SYT7: variants seen among roughly 807,000 people sequenced by gnomAD.
SYT7 encodes synaptotagmin-7.
In SYT7, 29 loss-of-function variants were observed where a neutral mutation model predicts 75.1. The observed-to-expected ratio is 0.39, with a 90% CI of 0.29 to 0.53. The LOEUF (loss-of-function observed/expected upper bound fraction) is 0.53. SYT7 is among the 20% of genes least tolerant of loss of function. The probability of loss-of-function intolerance (pLI) is 0.77; values close to 1 mark genes in which losing one functional copy is unlikely to be tolerated. For synonymous variants in SYT7, 376 were observed against 401.7 expected, an observed-to-expected ratio of 0.94 and a Z score of 0.76; for missense variants, 693 against 953.2, an observed-to-expected ratio of 0.73 and a Z score of 3.59.
chr11:61,526,541 C>G (rs904843930), intron 9 of SYT7: 2 of 152,270 alleles, frequency 1.3e-5, no homozygotes, highest in Admixed American at 6.5e-5. Flanking sequence ...ACATCTGGGT[C>G]TCCATTAGGC....
chr11:61,533,376 G>A (rs1309387138), intron 7 of SYT7: 2 of 985,384 alleles, frequency 2.0e-6, no homozygotes, highest in Non-Finnish European at 2.4e-6. Flanking sequence ...ATTTTGGGGG[G>A]TGTCCCCATT....
chr11:61,545,799 G>A lies in SYT7; in HGVS notation c.572+232C>T, dbSNP rs1351743578. 2.0e-5 allele frequency among the ~76,000 whole-genome samples: 3 copies of A among 152,240 alleles called. No homozygotes were observed. The East Asian group carries it at 5.8e-4, about 29-fold the overall frequency. On this transcript the variant is annotated intron_variant, in intron 5 of 12. Coordinates refer to ENST00000539008, the MANE Select transcript of SYT7 (RefSeq NM_001365809.2). The stretch of plus-strand genomic sequence containing the variant: ...ATGGAATGACCTGGTCACTGGCAAA[G>A]GAAGGGACTGATGGGGCATCAGCCA...
chr11:61,583,833 T>C (rs763247619), upstream of SYT7, among the ~76,000 whole-genome samples: 1 of 152,220 alleles, frequency 6.6e-6, no homozygotes, highest in African/African-American at 2.4e-5. Context: ...GGGTAGTTTT[T>C]AAATTCCTGC....
intron 1 of SYT7, among the ~76,000 whole-genome samples, chr11:61,572,380 G>C (rs765957856): frequency 4.6e-5 from 7 of 152,214 alleles, no homozygotes; most frequent in African/African-American, 1.7e-4. Context: ...GTACCAACTC[G>C]TAGTGCTCCC....
chr11:61,554,356 G>C (rs2063433347), intron 2 of SYT7, among the ~76,000 whole-genome samples: 1 of 151,952 alleles, frequency 6.6e-6, no homozygotes, highest in Non-Finnish European at 1.5e-5. Context: ...AGGAGGGTGG[G>C]GCAGACCCCA....
At position 61,580,082 on chromosome 11, in the gene SYT7, G is replaced by A. The variant is rs529977044; in HGVS notation, c.31+708C>T. 4.6e-5 allele frequency among the ~76,000 whole-genome samples: 7 copies of A among 152,266 alleles called. No individual in the cohort carries two copies. The highest frequency in any genetic ancestry group is 7.4e-5 in the Non-Finnish European group (5 of 67,998). On this transcript the variant is annotated intron_variant, in intron 1 of 12. Coordinates refer to ENST00000539008, the MANE Select transcript of SYT7 (RefSeq NM_001365809.2). This position sits in a 1 kb window ranked among gnomAD's most constrained non-coding sequence, Gnocchi z 6.1. ...CACTCCCCTGGCGGGCGAAGCAGAA[G>A]GCAAAGGAGTTCGGCCCTCCCCCAC...
At chr11:61,559,687 T>C (rs1366792318) in intron 1 of SYT7, among the ~76,000 whole-genome samples, 3 of 152,086 alleles carry the variant, frequency 2.0e-5, no homozygotes. Context: ...AAAGGTCACC[T>C]TCCTGGAGCT....
At chr11:61,534,956 C>A (rs1380663278) in intron 7 of SYT7, among the ~76,000 whole-genome samples, 2 of 152,198 alleles carry the variant, frequency 1.3e-5, no homozygotes, top group Admixed American at 1.3e-4. Flanking sequence ...AGTGGAAGAG[C>A]AGGGAGAGTG....
intron 7 of SYT7, among the ~76,000 whole-genome samples, chr11:61,537,100 G>T (rs1001652214): frequency 6.6e-6 from 1 of 152,214 alleles, no homozygotes; most frequent in Non-Finnish European, 1.5e-5. Context: ...AACCAGAGCT[G>T]GAAGGCAGAT....
intron 1 of SYT7, among the ~76,000 whole-genome samples, chr11:61,557,298 G>A (rs1356979215): frequency 6.6e-6 from 1 of 152,240 alleles, no homozygotes; most frequent in Non-Finnish European, 1.5e-5. Flanking sequence ...TTTATTTACA[G>A]AGGAGCCTGC....
intron 1 of SYT7, among the ~76,000 whole-genome samples, chr11:61,570,394 G>A (rs1482611161): frequency 2.6e-5 from 4 of 152,136 alleles, no homozygotes; most frequent in Non-Finnish European, 5.9e-5. Flanking sequence ...TTCTGCAAGG[G>A]TTATAATTGT....
intron 7 of SYT7, 161 bp from the exon 8 acceptor site, chr11:61,533,285 C>T (rs1374325252): frequency 1.0e-6 from 1 of 985,326 alleles, no homozygotes; most frequent in Admixed American, 6.1e-5. Flanking sequence ...CCTGGTTTTC[C>T]CTGGAGACCC....
At position 61,523,974 on chromosome 11, in the gene SYT7, T is replaced by G. The variant is rs1371573270; in HGVS notation, c.1642-33A>C. 2 of 1,599,570 alleles carry G rather than the reference T, an allele frequency of 1.3e-6. No individual in the cohort carries two copies. The highest frequency in any genetic ancestry group is 2.7e-5 in the African/African-American group (2 of 74,710). ...GCACGACAGGAGGGGTGTGGGGAAC[T>G]AGGCTAGCAGAGCTCTCTGATTGGC... On this transcript the variant is annotated intron_variant, in intron 10 of 12. Coordinates refer to ENST00000539008, the MANE Select transcript of SYT7 (RefSeq NM_001365809.2). The surrounding 1 kb of genome is among the most constrained non-coding windows in gnomAD (Gnocchi z 5.0).
chr11:61,523,165 G>C lies in SYT7; in HGVS notation c.1866C>G (p.Phe622Leu). 2 of 1,614,166 alleles carry C rather than the reference G, an allele frequency of 1.2e-6. No individual in the cohort carries two copies. The highest frequency in any genetic ancestry group is 1.7e-6 in the Non-Finnish European group (2 of 1,180,034). ...CCCTCAGCTTCTCCGTGGGGATATC[G>C]AAGGCGAAGGACTCATTGAAGATGG... is the stretch of plus-strand genomic sequence containing the variant. The part of the protein sequence containing the change: ...LNPIFNESFA[F>L]DIPTEKLRET... Residue 622 changes from phenylalanine to leucine, a missense_variant, in exon 12 of 13, where the codon TTC becomes TTG. By Grantham distance (22) the Phe-to-Leu change is conservative. Coordinates refer to ENST00000539008, the MANE Select transcript of SYT7 (RefSeq NM_001365809.2). This position sits in a 1 kb window ranked among gnomAD's most constrained non-coding sequence, Gnocchi z 5.0.
chr11:61,555,120 T>C (rs1409600291), intron 2 of SYT7, among the ~76,000 whole-genome samples: 3 of 151,910 alleles, frequency 2.0e-5, no homozygotes, highest in African/African-American at 7.3e-5. Context: ...GCCACAGTGC[T>C]CCCCCCTTGT....
chr11:61,564,997 G>A (rs1019406165), intron 1 of SYT7, among the ~76,000 whole-genome samples: 10 of 152,154 alleles, frequency 6.6e-5, no homozygotes, highest in African/African-American at 2.4e-4. Context: ...TCTATCTCTG[G>A]TACTGATCAG....
At position 61,576,045 on chromosome 11, in the gene SYT7, G is replaced by A. The variant is rs2064065398; in HGVS notation, c.31+4745C>T. Among the ~76,000 whole-genome samples, 1 of 152,190 alleles carries A rather than the reference G, an allele frequency of 6.6e-6. No individual in the cohort carries two copies. Among genetic ancestry groups the A allele is most frequent in the Non-Finnish European group, 1.5e-5 (1 of 68,042 alleles). ...AGGCTGCAGAGACTCCCCAGAGCAG[G>A]CCGGATGCACCTGCCCGCCTTCCAA... On this transcript the variant is annotated intron_variant, in intron 1 of 12. Transcript: ENST00000539008. This position sits in a 1 kb window ranked among gnomAD's most constrained non-coding sequence, Gnocchi z 4.1.
At position 61,547,208 on chromosome 11, in the gene SYT7, C is replaced by A; in HGVS notation, c.316G>T (p.Ala106Ser). The A allele has an allele frequency of 6.5e-7, 1 of 1,535,612 alleles. No homozygotes were observed. Among genetic ancestry groups the A allele is most frequent in the South Asian group, 1.2e-5 (1 of 84,026 alleles). The change falls in exon 4 of 13, where the codon GCC (alanine) becomes TCC (serine). Residue 106 changes from alanine (A) to serine (S), a missense_variant. Physicochemically the swap from Ala to Ser is moderately conservative, Grantham distance 99. Transcript: ENST00000539008. ...KEFILNISPYAPYGDPRLSLN... is the reference protein window; with the variant it reads ...KEFILNISPYSPYGDPRLSLN... ...GACAGTCGTGGGTCGCCATAAGGGG[C>A]GTAGGGTGAAATGTTTAGAATAAAC...
At chr11:61,573,904 C>T (rs1565210668) in intron 1 of SYT7, among the ~76,000 whole-genome samples, 1 of 152,248 alleles carries the variant, frequency 6.6e-6, no homozygotes, top group African/African-American at 2.4e-5. Context: ...GAATCCCAGA[C>T]CTACTTCTAA....
Sources: allele counts gnomAD v4.1 joint callset (sites outside exome capture counted in the v4.1 genomes callset), GRCh38; gene constraint gnomAD v4.1.1; non-coding constraint Gnocchi (gnomAD v3.1); transcripts MANE v1.5; gene names NCBI Gene and HGNC (gene_info 2026-07-23, HGNC 2026-07-21).